XKR9: variants seen among roughly 807,000 people sequenced by gnomAD.
The protein encoded by XKR9 is XK-related protein 9.
Under a neutral mutation model 32.0 loss-of-function variants are expected in XKR9, and 32 were observed. The ratio of observed to expected loss-of-function variants is 1.00; its 90% CI spans 0.76 to 1.34. The LOEUF is 1.34. Ranked by LOEUF, XKR9 falls within the 40% of genes most tolerant of loss-of-function variation. The probability of loss-of-function intolerance (pLI) is 0.00; values close to 1 mark genes in which losing one functional copy is unlikely to be tolerated. For synonymous variants in XKR9, 168 were observed against 143.4 expected, an observed-to-expected ratio of 1.17 and a Z score of -1.22; for missense variants, 546 against 429.7, an observed-to-expected ratio of 1.27 and a Z score of -2.39.
chr8:71,037,268 A>C, the XKR9 span, among the ~76,000 whole-genome samples: 1 of 152,196 alleles, frequency 6.6e-6, no homozygotes, highest in Non-Finnish European at 1.5e-5. Flanking sequence ...TCCACAATTG[A>C]AAATATAATT....
chr8:70,724,106 G>T (rs565273646), intron 4 of XKR9, among the ~76,000 whole-genome samples: 1 of 152,016 alleles, frequency 6.6e-6, no homozygotes, highest in Non-Finnish European at 1.5e-5. Flanking sequence ...ATCTAGAGAG[G>T]CACTCTGGCC....
At chr8:70,760,605 A>G (rs1807294661) in intron 2 of XKR9, among the ~76,000 whole-genome samples, 1 of 152,244 alleles carries the variant, frequency 6.6e-6, no homozygotes. Flanking sequence ...ATGGGAGTAC[A>G]GGCAGGTGCC....
At chr8:70,819,752 C>T in the XKR9 span, among the ~76,000 whole-genome samples, 2 of 152,162 alleles carry the variant, frequency 1.3e-5, no homozygotes, top group Non-Finnish European at 2.9e-5. Context: ...CTCTCCCTTT[C>T]TGTAAAGAAA....
the XKR9 span, among the ~76,000 whole-genome samples, chr8:70,975,874 G>A: frequency 6.6e-6 from 1 of 152,156 alleles, no homozygotes; most frequent in Non-Finnish European, 1.5e-5. Flanking sequence ...CTATCCATGA[G>A]CATGGAATGT....
chr8:70,760,594 G>C (rs1441840602), intron 2 of XKR9, among the ~76,000 whole-genome samples: 4 of 152,164 alleles, frequency 2.6e-5, no homozygotes, highest in Admixed American at 2.0e-4. Flanking sequence ...CTTCCCCTTA[G>C]ATGGGAGTAC....
chr8:70,739,044 T>C (rs1370899339), downstream of XKR9, among the ~76,000 whole-genome samples: 1 of 149,762 alleles, frequency 6.7e-6, no homozygotes, highest in Non-Finnish European at 1.5e-5. Flanking sequence ...TCTGTCTTGT[T>C]GATCTGTCTA....
chr8:70,757,627 C>T (rs1220883635), intron 2 of XKR9, among the ~76,000 whole-genome samples: 2 of 152,102 alleles, frequency 1.3e-5, no homozygotes, highest in Admixed American at 6.6e-5. Flanking sequence ...TGCTCTGTCG[C>T]CCAGGCTGGC....
chr8:70,776,517 T>A (rs978610133), intron 2 of XKR9, among the ~76,000 whole-genome samples: 2 of 152,054 alleles, frequency 1.3e-5, no homozygotes, highest in South Asian at 4.1e-4. Flanking sequence ...GGGTCTTAGA[T>A]GTGATAAACT....
At chr8:70,788,364 C>T (rs10504482) in intron 2 of XKR9, among the ~76,000 whole-genome samples, 11,037 of 152,078 alleles carry the variant, frequency 0.073, 474 homozygotes, top group Non-Finnish European at 0.089. Flanking sequence ...TTTACAACAT[C>T]GTGGAGCATT....
At chr8:70,813,541 A>C in the XKR9 span, among the ~76,000 whole-genome samples, 2 of 152,198 alleles carry the variant, frequency 1.3e-5, no homozygotes, top group Non-Finnish European at 2.9e-5. Context: ...CAACCTACTC[A>C]TCTGACAAAG....
At chr8:71,059,991 C>G in the XKR9 span, among the ~76,000 whole-genome samples, 1 of 152,112 alleles carries the variant, frequency 6.6e-6, no homozygotes, top group Non-Finnish European at 1.5e-5. Flanking sequence ...CTCCTCTGTG[C>G]TTTGTGGTCT....
chr8:71,005,455 C>T, the XKR9 span, among the ~76,000 whole-genome samples: 2 of 152,090 alleles, frequency 1.3e-5, no homozygotes, highest in South Asian at 4.2e-4. Context: ...AATGCCTGAC[C>T]TCAGGTGATT....
chr8:70,757,560 T>TATGTATGC (rs950716269), intron 2 of XKR9, among the ~76,000 whole-genome samples: 1 of 73,398 alleles, frequency 1.4e-5, no homozygotes, highest in African/African-American at 3.4e-5. Flanking sequence ...TGTATGTATG[T>TATGTATGC]ATGTATGTAT....
At chr8:70,923,525 G>A in the XKR9 span, among the ~76,000 whole-genome samples, 2 of 152,214 alleles carry the variant, frequency 1.3e-5, no homozygotes, top group African/African-American at 4.8e-5. Flanking sequence ...GTACTTGCAT[G>A]GGCCCTTCCC....
At position 70,744,174 on chromosome 8, in the gene XKR9, G is replaced by T. The variant is rs556941068; in HGVS notation, n.352+37021G>T. ...AAAAATACAAAAATTAGCTAGGTGT[G>T]GTAGCAGGCGCCTCTAATCCCAGCT... On this transcript the variant is annotated intron_variant and non_coding_transcript_variant, in intron 2 of 3. Transcript: ENST00000520273. Among the ~76,000 whole-genome samples the T allele has an allele frequency of 3.3e-5, 5 of 151,992 alleles. No individual in the cohort carries two copies. The South Asian group carries it at 1.0e-3, about 32-fold the overall frequency.
the XKR9 span, among the ~76,000 whole-genome samples, chr8:70,889,231 C>T: frequency 6.6e-6 from 1 of 151,334 alleles, no homozygotes; most frequent in Non-Finnish European, 1.5e-5. Context: ...ATGGGATCGC[C>T]ATCTTGATTT....
chr8:70,869,233 G>A, the XKR9 span, among the ~76,000 whole-genome samples: 1 of 152,052 alleles, frequency 6.6e-6, no homozygotes, highest in Non-Finnish European at 1.5e-5. Context: ...CACTCTACTG[G>A]TACCAATTTA....
chr8:70,912,299 A>G, the XKR9 span, among the ~76,000 whole-genome samples: 2 of 152,188 alleles, frequency 1.3e-5, no homozygotes, highest in East Asian at 3.9e-4. Context: ...GTAGTGTGAA[A>G]TATGAATACA....
chr8:71,065,102 T>C, the XKR9 span, among the ~76,000 whole-genome samples: 4 of 152,158 alleles, frequency 2.6e-5, no homozygotes, highest in African/African-American at 9.7e-5. Flanking sequence ...GAATAAGATA[T>C]AAGAAGAAAG....
Sources: allele counts gnomAD v4.1 joint callset (sites outside exome capture counted in the v4.1 genomes callset), GRCh38; gene constraint gnomAD v4.1.1; transcripts MANE v1.5; gene names NCBI Gene and HGNC (gene_info 2026-07-23, HGNC 2026-07-21).